Variants in RBFOX3 observed in about 807,000 individuals in gnomAD.
RBFOX3 encodes RNA binding fox-1 homolog 3, also known as RNA binding protein fox-1 homolog 3.
A neutral mutation model predicts 48.7 loss-of-function variants in RBFOX3; 17 were observed. The ratio of observed to expected loss-of-function variants is 0.35; its 90% CI spans 0.24 to 0.52. The LOEUF is 0.52. Ranked by LOEUF, RBFOX3 falls within the 20% of genes least tolerant of loss-of-function variation. The pLI is 0.94. For missense variants in RBFOX3, 382 were observed against 497.5 expected (o/e 0.77, Z 2.21); for synonymous variants, 212 against 209.5 (o/e 1.01, Z -0.10).
rs1387248853 is a variant in RBFOX3 at position 79,611,049 on chromosome 17, G to A, written c.-543C>T. On this transcript the variant is annotated 5_prime_UTR_variant, in exon 1 of 15. Coordinates refer to ENST00000693108, the MANE Select transcript of RBFOX3 (RefSeq NM_001350451.2). Reference sequence around the variant, plus strand: ...TGGGGCCGCTGTCCGAGGAGGTTCTGCTGGCTTCGGAGCAGCCCCGCGCTC... The same window carrying A: ...TGGGGCCGCTGTCCGAGGAGGTTCTACTGGCTTCGGAGCAGCCCCGCGCTC... 4.0e-5 allele frequency among the ~76,000 whole-genome samples: 6 copies of A among 150,680 alleles called. No homozygotes were observed. The highest frequency in any genetic ancestry group is 5.9e-5 in the Non-Finnish European group (4 of 67,548).
chr17:79,330,097 TTGTG>T (rs1451208147), intron 2 of RBFOX3, among the ~76,000 whole-genome samples: 3 of 152,174 alleles, frequency 2.0e-5, no homozygotes, highest in Admixed American at 6.5e-5. Flanking sequence ...CCAGAGACTC[TTGTG>T]TGTGAGCATG....
At chr17:79,620,593 A>G in the RBFOX3 span, among the ~76,000 whole-genome samples, 4 of 134,252 alleles carry the variant, frequency 3.0e-5, no homozygotes, top group East Asian at 2.1e-4. Context: ...ACGCACACAC[A>G]CGCACGCACG....
the RBFOX3 span, among the ~76,000 whole-genome samples, chr17:79,633,327 C>T: frequency 6.6e-6 from 1 of 152,250 alleles, no homozygotes; most frequent in East Asian, 1.9e-4. Flanking sequence ...TCAGTGCCAG[C>T]GGGCAAGGCC....
At position 79,546,049 on chromosome 17, in the gene RBFOX3, C is replaced by A. The variant is rs184249992; in HGVS notation, c.-319-63451G>T. On this transcript the variant is annotated intron_variant, in intron 1 of 14. Transcript: ENST00000693108. Reference sequence around the variant, plus strand: ...GGACAAATCTCAGATATGTGGATACCTCTCGCAGATTTGCATAATGACAAA... The same window carrying A: ...GGACAAATCTCAGATATGTGGATACATCTCGCAGATTTGCATAATGACAAA... Among the ~76,000 whole-genome samples the A allele has an allele frequency of 7.2e-5, 11 of 152,376 alleles. 1 individual carries two copies. The East Asian group carries it at 1.9e-3, about 27-fold the overall frequency.
intron 1 of RBFOX3, among the ~76,000 whole-genome samples, chr17:79,579,358 A>G (rs1249894815): frequency 6.6e-6 from 1 of 152,142 alleles, no homozygotes; most frequent in Non-Finnish European, 1.5e-5. Context: ...GCAACATCAC[A>G]TCAGCCGGTT....
At chr17:79,662,807 G>A in the RBFOX3 span, among the ~76,000 whole-genome samples, 14 of 152,260 alleles carry the variant, frequency 9.2e-5, no homozygotes, top group African/African-American at 2.6e-4. Context: ...CGGCAGAACC[G>A]TGGGGAAGGC....
chr17:79,413,727 G>A lies in RBFOX3; in HGVS notation c.-175+68727C>T, dbSNP rs537579835. 3.8e-3 allele frequency among the ~76,000 whole-genome samples: 576 copies of A among 152,318 alleles called. 2 individuals carry two copies. The highest frequency in any genetic ancestry group is 0.013 in the African/African-American group (531 of 41,576). ...AAGGCAGCCCGAGGAGCAGCAGGCC[G>A]CGAGCCCACAGGGTCCAGGAAGAGC... On this transcript the variant is annotated intron_variant, in intron 2 of 14. Coordinates refer to ENST00000693108, the MANE Select transcript of RBFOX3 (RefSeq NM_001350451.2).
At chr17:79,538,694 C>A (rs558219014) in intron 1 of RBFOX3, among the ~76,000 whole-genome samples, 1 of 152,262 alleles carries the variant, frequency 6.6e-6, no homozygotes, top group Non-Finnish European at 1.5e-5. Context: ...AGGATGAGAT[C>A]GGCAGGAAAC....
chr17:79,216,369 C>T (rs769512408), intron 4 of RBFOX3, among the ~76,000 whole-genome samples: 6 of 152,116 alleles, frequency 3.9e-5, no homozygotes, highest in Admixed American at 3.9e-4. Flanking sequence ...ATGGGGACCA[C>T]GGAGCAGGTG....
At chr17:79,143,772 G>A (rs1303097715) in intron 4 of RBFOX3, among the ~76,000 whole-genome samples, 11 of 152,336 alleles carry the variant, frequency 7.2e-5, no homozygotes, top group Admixed American at 3.9e-4. Context: ...AAGGTGGGTG[G>A]TGCCCTCGGA....
In RBFOX3 at chr17:79,243,367, A is replaced by G. The variant is rs1404673360; in HGVS notation, c.-73-7562T>C. On this transcript the variant is annotated intron_variant, in intron 3 of 14. Transcript: ENST00000693108. This position sits in a 1 kb window ranked among gnomAD's most constrained non-coding sequence, Gnocchi z 7.9. ...TTGCTCATTGCCGGGTCTAACTCCA[A>G]CCTGCCTCCCACCCCAGCACTTGTG... Among the ~76,000 whole-genome samples the G allele has an allele frequency of 6.6e-6, 1 of 152,054 alleles. No homozygotes were observed. Among genetic ancestry groups the G allele is most frequent in the East Asian group, 1.9e-4 (1 of 5,180 alleles).
intron 2 of RBFOX3, among the ~76,000 whole-genome samples, chr17:79,472,868 T>C (rs2149390189): frequency 6.6e-6 from 1 of 152,324 alleles, no homozygotes; most frequent in African/African-American, 2.4e-5. Flanking sequence ...GAAGGATTCA[T>C]TGGTTTATTT....
chr17:79,549,072 C>G (rs1245479247), intron 1 of RBFOX3, among the ~76,000 whole-genome samples: 3 of 152,218 alleles, frequency 2.0e-5, no homozygotes, highest in Non-Finnish European at 4.4e-5. Flanking sequence ...ATGCACTGAC[C>G]AAGGTCCCTT....
intron 1 of RBFOX3, among the ~76,000 whole-genome samples, chr17:79,587,792 GC>G (rs1193373046): frequency 4.7e-4 from 71 of 152,304 alleles, no homozygotes; most frequent in East Asian, 3.9e-3. Flanking sequence ...AGATGAAGGA[GC>G]CCACGGGGAA....
intron 2 of RBFOX3, among the ~76,000 whole-genome samples, chr17:79,393,888 C>A (rs1354427346): frequency 5.9e-5 from 9 of 151,866 alleles, no homozygotes; most frequent in Non-Finnish European, 1.3e-4. Flanking sequence ...CTGAGCCATT[C>A]ATCGCACACA....
chr17:79,427,811 C>T (rs147773894), intron 2 of RBFOX3, among the ~76,000 whole-genome samples: 1,654 of 152,380 alleles, frequency 0.011, 17 homozygotes, highest in South Asian at 0.025. Flanking sequence ...CATGCACAGG[C>T]GTGCACACAT....
upstream of RBFOX3, among the ~76,000 whole-genome samples, chr17:79,612,532 A>T (rs2093976773): frequency 6.6e-6 from 1 of 152,146 alleles, no homozygotes; most frequent in African/African-American, 2.4e-5. Flanking sequence ...CCCACTTATG[A>T]GCGTCATGCT....
At chr17:79,412,469 G>A (rs2064564843) in intron 2 of RBFOX3, among the ~76,000 whole-genome samples, 1 of 151,802 alleles carries the variant, frequency 6.6e-6, no homozygotes, top group Non-Finnish European at 1.5e-5. Flanking sequence ...GTATGTGTGT[G>A]CACATATGCA....
chr17:79,376,419 CCT>C (rs2059231559), intron 2 of RBFOX3, among the ~76,000 whole-genome samples: 1 of 152,100 alleles, frequency 6.6e-6, no homozygotes, highest in African/African-American at 2.4e-5. Flanking sequence ...CCCGCAGGAC[CCT>C]CTCTCTGCAG....
Sources: gnomAD v4.1 joint callset for allele counts (sites outside exome capture counted in the v4.1 genomes callset) on GRCh38, gnomAD v4.1.1 for gene constraint, Gnocchi (gnomAD v3.1) non-coding constraint, MANE v1.5 for transcripts, NCBI Gene and HGNC (gene_info 2026-07-23, HGNC 2026-07-21) for gene names.